The following ST6GALNAC3 variants were observed in gnomAD, a reference collection of about 807,000 sequenced individuals.
ST6GALNAC3 encodes the protein alpha-N-acetylgalactosaminide alpha-2,6-sialyltransferase 3.
A neutral mutation model predicts 32.7 loss-of-function variants in ST6GALNAC3; 25 were observed. The ratio of observed to expected loss-of-function variants is 0.76; its 90% CI spans 0.56 to 1.07. The LOEUF is 1.07. Ranked by LOEUF, ST6GALNAC3 falls within the 50% of genes least tolerant of loss-of-function variation. The pLI is 0.00. For synonymous variants in ST6GALNAC3, 129 were observed against 133.1 expected, an observed-to-expected ratio of 0.97 and a Z score of 0.21; for missense variants, 355 against 382.4, an observed-to-expected ratio of 0.93 and a Z score of 0.60.
intron 1 of ST6GALNAC3, among the ~76,000 whole-genome samples, chr1:76,251,369 T>A (rs941671180): frequency 6.6e-6 from 1 of 152,196 alleles, no homozygotes; most frequent in African/African-American, 2.4e-5. Context: ...ATCCTGCCAG[T>A]TCTTTTTTCA....
intron 3 of ST6GALNAC3, among the ~76,000 whole-genome samples, chr1:76,502,077 GA>G (rs1361059444): frequency 6.6e-6 from 1 of 152,022 alleles, no homozygotes; most frequent in African/African-American, 2.4e-5. Context: ...CTCTTATCAG[GA>G]AAAAAAATAT....
At chr1:76,090,062 C>T (rs188349879) in intron 1 of ST6GALNAC3, among the ~76,000 whole-genome samples, 61 of 152,194 alleles carry the variant, frequency 4.0e-4, no homozygotes, top group African/African-American at 1.3e-3. Flanking sequence ...ATCTGAGCCA[C>T]GGTTTCTCCA....
At chr1:76,148,670 A>G (rs1263779531) in intron 1 of ST6GALNAC3, among the ~76,000 whole-genome samples, 1 of 152,154 alleles carries the variant, frequency 6.6e-6, no homozygotes, top group Non-Finnish European at 1.5e-5. Flanking sequence ...TGGCCACAGG[A>G]AAGTGTGTCA....
At chr1:76,380,660 G>T (rs538353284) in intron 2 of ST6GALNAC3, among the ~76,000 whole-genome samples, 1 of 152,098 alleles carries the variant, frequency 6.6e-6, no homozygotes, top group Non-Finnish European at 1.5e-5. Context: ...ATGTGGATGC[G>T]TCTCACAAAG....
At chr1:76,267,735 T>A (rs1486043470) in intron 1 of ST6GALNAC3, among the ~76,000 whole-genome samples, 1 of 152,222 alleles carries the variant, frequency 6.6e-6, no homozygotes, top group Non-Finnish European at 1.5e-5. Flanking sequence ...TCATGGCAAC[T>A]GAAACCCTTG....
chr1:76,282,805 GAT>G (rs1659569140), intron 1 of ST6GALNAC3, among the ~76,000 whole-genome samples: 1 of 151,422 alleles, frequency 6.6e-6, no homozygotes, highest in African/African-American at 2.4e-5. Flanking sequence ...AAGGCAGGTG[GAT>G]CACTTGAGGT....
At chr1:76,128,430 G>C (rs1268199900) in intron 1 of ST6GALNAC3, among the ~76,000 whole-genome samples, 2 of 152,198 alleles carry the variant, frequency 1.3e-5, no homozygotes, top group Non-Finnish European at 2.9e-5. Flanking sequence ...TCCAGAACAA[G>C]GAAAAACTTC....
At chr1:76,569,194 A>T (rs1292436709) in intron 3 of ST6GALNAC3, among the ~76,000 whole-genome samples, 3 of 152,184 alleles carry the variant, frequency 2.0e-5, no homozygotes, top group African/African-American at 2.4e-5. Flanking sequence ...CAACAAAAAC[A>T]AAACAAAACA....
chr1:76,603,963 A>T (rs529225261), intron 3 of ST6GALNAC3, among the ~76,000 whole-genome samples: 5 of 152,342 alleles, frequency 3.3e-5, no homozygotes, highest in African/African-American at 1.2e-4. Flanking sequence ...AAAGCCAAGT[A>T]TATAGAAGAA....
chr1:76,305,936 A>G (rs760248786), intron 1 of ST6GALNAC3: 2 of 517,802 alleles, frequency 3.9e-6, no homozygotes, highest in South Asian at 2.8e-5. Context: ...CTAGTGTGTG[A>G]ATTAACTAAG....
At chr1:76,317,842 A>T (rs1040860808) in intron 2 of ST6GALNAC3, among the ~76,000 whole-genome samples, 1 of 152,174 alleles carries the variant, frequency 6.6e-6, no homozygotes, top group African/African-American at 2.4e-5. Flanking sequence ...GGGAGGCAGC[A>T]GAATTAGGTC....
At chr1:76,628,553 T>C in intron 4 of ST6GALNAC3, 67 bp from the exon 5 acceptor site, 1 of 1,403,966 alleles carries the variant, frequency 7.1e-7, no homozygotes, top group Non-Finnish European at 9.5e-7. Flanking sequence ...CATAATGGAT[T>C]CTTGTAAATG....
intron 2 of ST6GALNAC3, among the ~76,000 whole-genome samples, chr1:76,340,310 C>A (rs1647853122): frequency 6.6e-6 from 1 of 152,242 alleles, no homozygotes; most frequent in Non-Finnish European, 1.5e-5. Flanking sequence ...ATTTTCCCAA[C>A]ATGGAGCTGA....
intron 2 of ST6GALNAC3, among the ~76,000 whole-genome samples, chr1:76,379,638 T>C (rs1651547086): frequency 6.6e-6 from 1 of 152,120 alleles, no homozygotes; most frequent in African/African-American, 2.4e-5. Context: ...TCTTTCTCTT[T>C]GTGGTGTGTG....
At position 76,271,693 on chromosome 1, in the gene ST6GALNAC3, A is replaced by G. The variant is rs377736892; in HGVS notation, c.19-42112A>G. On this transcript the variant is annotated intron_variant, in intron 1 of 4. Coordinates refer to ENST00000328299, the MANE Select transcript of ST6GALNAC3 (RefSeq NM_152996.4). ...CTTGATTAAGTGATAGTTGAGTGAC[A>G]GTGACAACTTTATTTATGCTTTAGA... Among the ~76,000 whole-genome samples the G allele has an allele frequency of 3.3e-5, 5 of 152,344 alleles. No homozygotes were observed. In the East Asian group the frequency reaches 7.7e-4, roughly 24 times the overall value.
chr1:76,216,437 T>G (rs1655468206), intron 1 of ST6GALNAC3, among the ~76,000 whole-genome samples: 1 of 152,336 alleles, frequency 6.6e-6, no homozygotes, highest in South Asian at 2.1e-4. Context: ...AATAATTTGT[T>G]GTTGAATAGA....
At chr1:76,600,363 AGAAAGTTAGACTAGTCTG>A (rs1327977346) in intron 3 of ST6GALNAC3, among the ~76,000 whole-genome samples, 1 of 152,214 alleles carries the variant, frequency 6.6e-6, no homozygotes, top group Admixed American at 6.5e-5. Context: ...AAATTGACTA[AGAAAGTTAGACTAGTCTG>A]GAAATGGGAC....
chr1:76,443,350 A>T (rs913345581), intron 3 of ST6GALNAC3, among the ~76,000 whole-genome samples: 1 of 152,198 alleles, frequency 6.6e-6, no homozygotes, highest in Non-Finnish European at 1.5e-5. Flanking sequence ...AGATCCAAGT[A>T]TCTTGGCCAA....
At chr1:76,090,035 G>A (rs557445537) in intron 1 of ST6GALNAC3, among the ~76,000 whole-genome samples, 1 of 152,256 alleles carries the variant, frequency 6.6e-6, no homozygotes, top group South Asian at 2.1e-4. Context: ...TATACACCTA[G>A]AAGTTAAGAA....
Sources: allele counts gnomAD v4.1 joint callset (sites outside exome capture counted in the v4.1 genomes callset), GRCh38; gene constraint gnomAD v4.1.1; transcripts MANE v1.5; gene names NCBI Gene and HGNC (gene_info 2026-07-23, HGNC 2026-07-21).